Variants in PCDH15 observed in about 807,000 individuals in gnomAD.
PCDH15 encodes protocadherin related 15.
Under a neutral mutation model 178.5 loss-of-function variants are expected in PCDH15, and 129 were observed. The ratio of observed to expected loss-of-function variants is 0.72; its 90% CI spans 0.63 to 0.84. The LOEUF is 0.84. PCDH15 is among the 40% of genes least tolerant of loss of function. PCDH15 has a pLI of 0.00. For missense variants in PCDH15, 2,230 were observed against 2,099.9 expected (o/e 1.06, Z -1.21); for synonymous variants, 800 against 732.0 (o/e 1.09, Z -1.50).
At chr10:54,644,599 T>A (rs1410341870) in intron 2 of PCDH15, among the ~76,000 whole-genome samples, 1 of 152,084 alleles carries the variant, frequency 6.6e-6, no homozygotes, top group African/African-American at 2.4e-5. Flanking sequence ...AGCAATTCCA[T>A]CATTGGCCAG....
intron 2 of PCDH15, among the ~76,000 whole-genome samples, chr10:54,638,713 T>C (rs2093919971): frequency 2.0e-5 from 3 of 152,062 alleles, no homozygotes; most frequent in Non-Finnish European, 2.9e-5. Context: ...GAAATCATTA[T>C]ATAAAAAAGA....
At chr10:53,846,432 CAT>C (rs375131473) in intron 28 of PCDH15, among the ~76,000 whole-genome samples, 374 of 151,944 alleles carry the variant, frequency 2.5e-3, no homozygotes, top group African/African-American at 8.6e-3. Context: ...TTTTATGTAA[CAT>C]ATGTTAGTAT....
At chr10:53,896,111 T>G (rs1420031430) in intron 26 of PCDH15, among the ~76,000 whole-genome samples, 1 of 152,106 alleles carries the variant, frequency 6.6e-6, no homozygotes, top group Non-Finnish European at 1.5e-5. Flanking sequence ...ATTATTTTAT[T>G]TATTCATTTT....
At chr10:55,269,818 G>A (rs941381015) in intron 1 of PCDH15, among the ~76,000 whole-genome samples, 19 of 151,916 alleles carry the variant, frequency 1.3e-4, no homozygotes, top group African/African-American at 4.6e-4. Flanking sequence ...AGCCCAAATA[G>A]ACAAAGCAAT....
intron 23 of PCDH15, among the ~76,000 whole-genome samples, chr10:53,952,113 G>C (rs2087121851): frequency 6.6e-6 from 1 of 152,166 alleles, no homozygotes; most frequent in South Asian, 2.1e-4. Flanking sequence ...CTAGGTCTGG[G>C]ATCCCTGAAG....
At chr10:55,101,759 C>T (rs1842582549) in intron 2 of PCDH15, among the ~76,000 whole-genome samples, 1 of 151,154 alleles carries the variant, frequency 6.6e-6, no homozygotes, top group African/African-American at 2.4e-5. Context: ...ATATATTTTG[C>T]ATATATATAT....
intron 2 of PCDH15, among the ~76,000 whole-genome samples, chr10:55,051,199 G>A (rs969411023): frequency 3.3e-5 from 5 of 151,976 alleles, no homozygotes; most frequent in African/African-American, 9.7e-5. Context: ...TATTAAAAAT[G>A]CAAACAGAAC....
intron 11 of PCDH15, among the ~76,000 whole-genome samples, chr10:54,188,611 G>T (rs1011451144): frequency 1.3e-5 from 2 of 151,636 alleles, no homozygotes; most frequent in Non-Finnish European, 3.0e-5. Context: ...GCTCTGACAT[G>T]CACACATAAA....
At chr10:53,889,294 C>A (rs2081392152) in intron 26 of PCDH15, among the ~76,000 whole-genome samples, 1 of 151,738 alleles carries the variant, frequency 6.6e-6, no homozygotes. Flanking sequence ...ACGATATATC[C>A]AATACATATA....
chr10:55,608,900 A>G (rs1028866013), intron 2 of PCDH15, among the ~76,000 whole-genome samples: 3 of 151,880 alleles, frequency 2.0e-5, no homozygotes, highest in Non-Finnish European at 2.9e-5. Flanking sequence ...TCCTTTCCTG[A>G]GGAAGGAACT....
At chr10:54,987,118 C>T (rs925693975) in intron 2 of PCDH15, among the ~76,000 whole-genome samples, 9 of 151,896 alleles carry the variant, frequency 5.9e-5, no homozygotes, top group Non-Finnish European at 1.3e-4. Flanking sequence ...ATGTGGTGTT[C>T]GGTTTTCTGT....
intron 2 of PCDH15, among the ~76,000 whole-genome samples, chr10:55,112,794 C>T (rs978180292): frequency 1.1e-4 from 17 of 152,182 alleles, no homozygotes; most frequent in African/African-American, 3.9e-4. Context: ...CTAAGCAACA[C>T]ACTTATCAAT....
intron 1 of PCDH15, among the ~76,000 whole-genome samples, chr10:54,710,302 C>T (rs1012552676): frequency 6.6e-6 from 1 of 151,888 alleles, no homozygotes; most frequent in Non-Finnish European, 1.5e-5. Context: ...TTTACAAACA[C>T]TGAGAAATCA....
At chr10:54,336,054 T>C (rs1303898415) in intron 6 of PCDH15, among the ~76,000 whole-genome samples, 1 of 152,190 alleles carries the variant, frequency 6.6e-6, no homozygotes, top group Non-Finnish European at 1.5e-5. Context: ...AAGAGACTGG[T>C]GGCATTTTGT....
chr10:55,234,230 A>T (rs1382693907), intron 1 of PCDH15, among the ~76,000 whole-genome samples: 1 of 152,146 alleles, frequency 6.6e-6, no homozygotes, highest in Non-Finnish European at 1.5e-5. Context: ...ACTTGTTAAT[A>T]GTTGAAATCT....
At chr10:55,429,405 G>T (rs889909722) in intron 2 of PCDH15, among the ~76,000 whole-genome samples, 1 of 151,986 alleles carries the variant, frequency 6.6e-6, no homozygotes, top group Non-Finnish European at 1.5e-5. Flanking sequence ...AAAGCCATTG[G>T]TCTGCTTTTT....
chr10:55,391,411 A>G (rs1837789506), intron 2 of PCDH15, among the ~76,000 whole-genome samples: 1 of 151,834 alleles, frequency 6.6e-6, no homozygotes, highest in Non-Finnish European at 1.5e-5. Flanking sequence ...GGATGACTAA[A>G]ATTTTCTCCA....
At chr10:54,564,599 C>T (rs2088720382) in intron 2 of PCDH15, among the ~76,000 whole-genome samples, 1 of 151,954 alleles carries the variant, frequency 6.6e-6, no homozygotes, top group Non-Finnish European at 1.5e-5. Flanking sequence ...TGATGTGACT[C>T]CTGGTGTGAA....
At chr10:54,084,234 C>T (rs113351950) in intron 16 of PCDH15, among the ~76,000 whole-genome samples, 1 of 151,852 alleles carries the variant, frequency 6.6e-6, no homozygotes, top group African/African-American at 2.4e-5. Context: ...TACAGGTTCC[C>T]TGGGAGCTTA....
Sources: gnomAD v4.1 joint callset for allele counts (sites outside exome capture counted in the v4.1 genomes callset) on GRCh38, gnomAD v4.1.1 for gene constraint, MANE v1.5 for transcripts, NCBI Gene and HGNC (gene_info 2026-07-23, HGNC 2026-07-21) for gene names.